The following THSD4 variants were observed in gnomAD, a reference collection of about 807,000 sequenced individuals.
THSD4 encodes the protein thrombospondin type 1 domain containing 4, also known as thrombospondin type-1 domain-containing protein 4.
In THSD4, 69 loss-of-function variants were observed where a neutral mutation model predicts 119.0. The ratio of observed to expected loss-of-function variants is 0.58; its 90% CI spans 0.48 to 0.71. The LOEUF (loss-of-function observed/expected upper bound fraction) is 0.71, where lower values mean the gene tolerates loss of function less well. THSD4 is among the 30% of genes least tolerant of loss of function. The pLI is 0.00. For missense variants in THSD4, 1,393 were observed against 1,391.1 expected (o/e 1.00, Z -0.02); for synonymous variants, 524 against 540.4 (o/e 0.97, Z 0.42).
At chr15:71,550,256 A>G (rs117190370) in intron 7 of THSD4, among the ~76,000 whole-genome samples, 4,919 of 152,288 alleles carry the variant, frequency 0.032, 109 homozygotes, top group Middle Eastern at 0.082. Context: ...ATGGCGGGGA[A>G]GGGGAGGTGG....
chr15:71,240,627 C>T (rs1379732786), intron 4 of THSD4, among the ~76,000 whole-genome samples: 1 of 152,104 alleles, frequency 6.6e-6, no homozygotes, highest in Non-Finnish European at 1.5e-5. Flanking sequence ...GCTAGGGTCT[C>T]CATTCAGTAC....
intron 8 of THSD4, among the ~76,000 whole-genome samples, chr15:71,699,637 C>T (rs917431479): frequency 6.6e-6 from 1 of 152,120 alleles, no homozygotes; most frequent in African/African-American, 2.4e-5. Flanking sequence ...GCTTCCATGC[C>T]TGGAAGTGCC....
chr15:71,181,267 G>A (rs1292781572), intron 3 of THSD4, among the ~76,000 whole-genome samples: 2 of 152,178 alleles, frequency 1.3e-5, no homozygotes, highest in Non-Finnish European at 2.9e-5. Context: ...ATAAACTGGA[G>A]TAAAGAGACC....
At chr15:71,498,207 G>A (rs2048056171) in intron 7 of THSD4, among the ~76,000 whole-genome samples, 1 of 152,122 alleles carries the variant, frequency 6.6e-6, no homozygotes, top group Non-Finnish European at 1.5e-5. Context: ...GAATCCATGG[G>A]AATAATCCAT....
At chr15:71,281,649 A>T (rs2044654784) in intron 6 of THSD4, among the ~76,000 whole-genome samples, 1 of 152,214 alleles carries the variant, frequency 6.6e-6, no homozygotes, top group Non-Finnish European at 1.5e-5. Flanking sequence ...GATTTACAGA[A>T]ATTCAGTGCG....
chr15:71,745,467 G>C (rs1339326769), intron 12 of THSD4, among the ~76,000 whole-genome samples: 1 of 152,178 alleles, frequency 6.6e-6, no homozygotes, highest in Admixed American at 6.5e-5. Flanking sequence ...CCTTGACAAA[G>C]CTGGAGCAAT....
chr15:71,715,603 TTG>T (rs145783738), intron 8 of THSD4, among the ~76,000 whole-genome samples: 1 of 151,818 alleles, frequency 6.6e-6, no homozygotes, highest in Non-Finnish European at 1.5e-5. Flanking sequence ...GTGTATGTGT[TTG>T]TGTGTGTGTT....
intron 7 of THSD4, among the ~76,000 whole-genome samples, chr15:71,590,354 A>G (rs1417169537): frequency 7.9e-6 from 1 of 127,322 alleles, no homozygotes; most frequent in African/African-American, 2.7e-5. Context: ...GTTGATAGGA[A>G]TAGGCCATTC....
chr15:71,276,692 A>C (rs1260889171), intron 6 of THSD4, among the ~76,000 whole-genome samples: 2 of 152,244 alleles, frequency 1.3e-5, no homozygotes, highest in Non-Finnish European at 2.9e-5. Context: ...GAGCTTCATA[A>C]ATGTTTACAA....
intron 6 of THSD4, among the ~76,000 whole-genome samples, chr15:71,344,502 T>A (rs2045628692): frequency 6.6e-6 from 1 of 152,134 alleles, no homozygotes; most frequent in East Asian, 1.9e-4. Flanking sequence ...TTCAAACATG[T>A]TTCACGCCTC....
intron 8 of THSD4, among the ~76,000 whole-genome samples, chr15:71,678,489 C>T (rs1029661654): frequency 5.3e-5 from 8 of 152,150 alleles, no homozygotes; most frequent in Admixed American, 2.0e-4. Flanking sequence ...TCTCTTCAGG[C>T]CTTACTTTCC....
At chr15:71,531,446 G>T (rs985369906) in intron 7 of THSD4, among the ~76,000 whole-genome samples, 4 of 152,194 alleles carry the variant, frequency 2.6e-5, no homozygotes, top group Admixed American at 2.6e-4. Context: ...CATGAAAATG[G>T]ATAGAAGTGG....
intron 6 of THSD4, among the ~76,000 whole-genome samples, chr15:71,281,675 A>G (rs1332966987): frequency 1.3e-5 from 2 of 152,196 alleles, no homozygotes; most frequent in Non-Finnish European, 2.9e-5. Flanking sequence ...CTGTTTCTGG[A>G]TATATGTATT....
chr15:71,358,653 T>A (rs191695635), intron 6 of THSD4, among the ~76,000 whole-genome samples: 2 of 152,372 alleles, frequency 1.3e-5, no homozygotes. Flanking sequence ...GATTTACCTC[T>A]GGTTGCTGTG....
intron 14 of THSD4, among the ~76,000 whole-genome samples, chr15:71,756,054 A>G (rs1174069127): frequency 6.6e-6 from 1 of 152,204 alleles, no homozygotes; most frequent in South Asian, 2.1e-4. Context: ...AATTGGGTCA[A>G]TTGGGGCCAT....
chr15:71,268,390 G>T (rs11857846), intron 6 of THSD4, among the ~76,000 whole-genome samples: 65,497 of 151,958 alleles, frequency 0.43, 14,699 homozygotes, highest in East Asian at 0.71. Context: ...CAGAAATAAA[G>T]AAGTTGTTTG....
chr15:71,273,068 A>G (rs1230299132), intron 6 of THSD4, among the ~76,000 whole-genome samples: 3 of 152,314 alleles, frequency 2.0e-5, no homozygotes, highest in Non-Finnish European at 4.4e-5. Flanking sequence ...AATGTAAAGC[A>G]GTGTGTTGAT....
At chr15:71,444,476 C>T (rs2047152235) in intron 7 of THSD4, among the ~76,000 whole-genome samples, 1 of 152,200 alleles carries the variant, frequency 6.6e-6, no homozygotes, top group South Asian at 2.1e-4. Context: ...CAAGAGAATC[C>T]ATGTGTCGTC....
intron 3 of THSD4, among the ~76,000 whole-genome samples, chr15:71,199,737 T>TAGTGTGTGTG (rs1567154854): frequency 7.1e-6 from 1 of 141,340 alleles, no homozygotes; most frequent in African/African-American, 2.8e-5. Context: ...AGTGTGTGTG[T>TAGTGTGTGTG]AGTGTGTGTG....
Sources: allele counts gnomAD v4.1 joint callset (sites outside exome capture counted in the v4.1 genomes callset), GRCh38; gene constraint gnomAD v4.1.1; transcripts MANE v1.5; gene names NCBI Gene and HGNC (gene_info 2026-07-23, HGNC 2026-07-21).